The following TMEM170A variants were observed in gnomAD, a reference collection of about 807,000 sequenced individuals.
The protein encoded by TMEM170A is transmembrane protein 170A, also known as transmembrane protein 170.
In TMEM170A, 18 loss-of-function variants were observed where a neutral mutation model predicts 12.8. That is an observed-to-expected ratio of 1.41 (90% CI 0.97 to 2.09). The LOEUF (loss-of-function observed/expected upper bound fraction) is 2.09, where lower values mean the gene tolerates loss of function less well. TMEM170A is among the 30% of genes most tolerant of loss of function. TMEM170A has a pLI of 0.00. For missense variants in TMEM170A, 220 were observed against 179.9 expected, an observed-to-expected ratio of 1.22 and a Z score of -1.28; for synonymous variants, 107 against 76.2, an observed-to-expected ratio of 1.40 and a Z score of -2.11.
intron 1 of TMEM170A, among the ~76,000 whole-genome samples, chr16:75,452,131 C>A (rs2079700360): frequency 6.6e-6 from 1 of 152,146 alleles, no homozygotes; most frequent in Non-Finnish European, 1.5e-5. Flanking sequence ...GCCACCGCGC[C>A]TGGCTAATTT....
At position 75,449,204 on chromosome 16, in the gene TMEM170A, GA is replaced by G. The variant is rs1347009234; in HGVS notation, c.305-1517del. Among the ~76,000 whole-genome samples the G allele has an allele frequency of 3.3e-5, 5 of 152,252 alleles. No individual in the cohort carries two copies. The East Asian group carries it at 9.6e-4, about 29-fold the overall frequency. ...TCATTCACTCCAATTTTCATCTGCA[GA>G]ACACTTCTGTGTTTTATAAGGTATG... is the stretch of plus-strand genomic sequence containing the variant. On this transcript the variant is annotated intron_variant, in intron 2 of 2. Coordinates refer to ENST00000561878, the MANE Select transcript of TMEM170A (RefSeq NM_145254.3).
rs935057779 is a variant in TMEM170A at position 75,446,724 on chromosome 16, C to A, written c.*834G>T. On this transcript the variant is annotated 3_prime_UTR_variant, in exon 3 of 3. Coordinates refer to ENST00000561878, the MANE Select transcript of TMEM170A (RefSeq NM_145254.3). Reference sequence around the variant, plus strand: ...TCTTATGTGTGCCTCAATGTCCAAACAAATCTGGCTTAAAATTTCCAACTC... The same window carrying A: ...TCTTATGTGTGCCTCAATGTCCAAAAAAATCTGGCTTAAAATTTCCAACTC... The A allele has an allele frequency of 1.3e-5, 2 of 152,144 alleles. No homozygotes were observed. Among genetic ancestry groups the A allele is most frequent in the Non-Finnish European group, 2.9e-5 (2 of 68,034 alleles). 9.4% of individuals were successfully genotyped at this position (152,144 alleles called of 1,614,324 possible).
intron 1 of TMEM170A, among the ~76,000 whole-genome samples, chr16:75,456,107 C>A (rs1335114154): frequency 6.6e-6 from 1 of 152,146 alleles, no homozygotes; most frequent in African/African-American, 2.4e-5. Context: ...GGAGCCAAAT[C>A]CCCTTAACCC....
intron 1 of TMEM170A, among the ~76,000 whole-genome samples, chr16:75,455,161 T>C (rs1205692717): frequency 3.9e-5 from 6 of 151,974 alleles, no homozygotes; most frequent in Non-Finnish European, 8.8e-5. Context: ...ATTGAGACCA[T>C]CCTGGCTAAC....
chr16:75,461,981 A>G (rs1050162002), intron 1 of TMEM170A, among the ~76,000 whole-genome samples: 14 of 152,198 alleles, frequency 9.2e-5, no homozygotes, highest in African/African-American at 3.4e-4. Flanking sequence ...AAGGGAACTA[A>G]AAGCCAGAGA....
intron 2 of TMEM170A, among the ~76,000 whole-genome samples, chr16:75,449,692 G>T (rs1386940180): frequency 2.6e-5 from 4 of 152,136 alleles, no homozygotes; most frequent in Non-Finnish European, 4.4e-5. Flanking sequence ...ACCAAAGGTT[G>T]GCTGCCTTGA....
chr16:75,464,706 C>T (rs925478164), upstream of TMEM170A: 13 of 1,425,988 alleles, frequency 9.1e-6, no homozygotes, highest in Non-Finnish European at 1.2e-5. Flanking sequence ...AGCCGGGGTC[C>T]TCTTCCCCCA....
chr16:75,455,065 T>C (rs1387245331), intron 1 of TMEM170A, among the ~76,000 whole-genome samples: 3 of 152,212 alleles, frequency 2.0e-5, no homozygotes, highest in African/African-American at 7.2e-5. Context: ...CATTAAAATA[T>C]GCAATAGATG....
chr16:75,449,067 AAAAT>A (rs1295109294), intron 2 of TMEM170A, among the ~76,000 whole-genome samples: 4 of 152,002 alleles, frequency 2.6e-5, no homozygotes, highest in Non-Finnish European at 5.9e-5. Flanking sequence ...TTCTCAAATA[AAAAT>A]AAATAAATAA....
chr16:75,463,196 G>A (rs2079938227), intron 1 of TMEM170A, among the ~76,000 whole-genome samples: 1 of 152,140 alleles, frequency 6.6e-6, no homozygotes, highest in Admixed American at 6.6e-5. Flanking sequence ...TCAGGAAAGG[G>A]GAAAATTAAG....
chr16:75,462,641 A>G (rs958501094), intron 1 of TMEM170A, among the ~76,000 whole-genome samples: 3 of 152,232 alleles, frequency 2.0e-5, no homozygotes, highest in African/African-American at 7.2e-5. Context: ...AAAACAGTCT[A>G]TACAACAATT....
chr16:75,463,371 A>T lies in TMEM170A; in HGVS notation c.133+1097T>A, dbSNP rs1055231281. Among the ~76,000 whole-genome samples, 3 of 151,954 alleles carry T rather than the reference A, an allele frequency of 2.0e-5. No individual in the cohort carries two copies. The East Asian group carries it at 5.8e-4, about 29-fold the overall frequency. ...CTGCCAGATTCTCATTTCAGGAATG[A>T]CCACAAGCGAACATCTGCATCTGAC... On this transcript the variant is annotated intron_variant, in intron 1 of 2. Coordinates refer to ENST00000561878, the MANE Select transcript of TMEM170A (RefSeq NM_145254.3).
intron 1 of TMEM170A, among the ~76,000 whole-genome samples, chr16:75,456,756 G>A (rs2079805782): frequency 6.6e-6 from 1 of 152,176 alleles, no homozygotes; most frequent in South Asian, 2.1e-4. Flanking sequence ...ACCTGCCAGA[G>A]CTCTGGTGCC....
intron 1 of TMEM170A, among the ~76,000 whole-genome samples, chr16:75,462,971 T>C (rs958995661): frequency 6.6e-6 from 1 of 152,170 alleles, no homozygotes; most frequent in African/African-American, 2.4e-5. Context: ...CAACTTCCTA[T>C]TGAATGACTC....
At chr16:75,458,225 G>A (rs568375658) in intron 1 of TMEM170A, 1 of 152,264 alleles carries the variant, frequency 6.6e-6, no homozygotes, top group East Asian at 1.9e-4. Flanking sequence ...ATCTCCCTAT[G>A]GTGAAGGTAA....
chr16:75,456,129 T>A (rs1440277415), intron 1 of TMEM170A, among the ~76,000 whole-genome samples: 6 of 152,146 alleles, frequency 3.9e-5, no homozygotes, highest in Non-Finnish European at 8.8e-5. Flanking sequence ...CCCTTGACAT[T>A]GTCACAGATG....
chr16:75,451,510 A>T (rs941763928), intron 2 of TMEM170A, 159 bp downstream of exon 2: 13 of 711,734 alleles, frequency 1.8e-5, no homozygotes, highest in Admixed American at 7.0e-5. Flanking sequence ...TATTGCAACC[A>T]CTGCACTCCG....
At chr16:75,462,088 T>C (rs1424013) in intron 1 of TMEM170A, among the ~76,000 whole-genome samples, 85,460 of 151,990 alleles carry the variant, frequency 0.56, 25,127 homozygotes, top group Admixed American at 0.69. Flanking sequence ...CTGATAGACA[T>C]CATCTTCACC....
At position 75,447,399 on chromosome 16, in the gene TMEM170A, CTT is replaced by C; in HGVS notation, c.*157_*158del. On this transcript the variant is annotated 3_prime_UTR_variant, in exon 3 of 3. Transcript: ENST00000561878. ...CCACATAAGTCTTCAATTCTAGGAGCTTCAAAATGAAGAAAAGGCTGAGATGT... is the reference window on the plus strand; with the variant it reads ...CCACATAAGTCTTCAATTCTAGGAGCCAAAATGAAGAAAAGGCTGAGATGT... 1 of 745,428 alleles carries C rather than the reference CTT, an allele frequency of 1.3e-6. No homozygotes were observed. The highest frequency in any genetic ancestry group is 1.9e-6 in the Non-Finnish European group (1 of 521,408). The allele number at this position is 745,428 out of a possible 1,614,324, so 46.2% of individuals were successfully genotyped here.
Sources: allele counts gnomAD v4.1 joint callset (sites outside exome capture counted in the v4.1 genomes callset), GRCh38; gene constraint gnomAD v4.1.1; transcripts MANE v1.5; gene names NCBI Gene and HGNC (gene_info 2026-07-23, HGNC 2026-07-21).